Variants in CCDC172 observed in about 807,000 individuals in gnomAD.
The protein encoded by CCDC172 is coiled-coil domain containing 172.
Under a neutral mutation model 38.0 loss-of-function variants are expected in CCDC172, and 30 were observed. The ratio of observed to expected loss-of-function variants is 0.79; its 90% CI spans 0.59 to 1.07. The LOEUF (loss-of-function observed/expected upper bound fraction) is 1.07, where lower values mean the gene tolerates loss of function less well. CCDC172 is among the 50% of genes least tolerant of loss of function. CCDC172 has a pLI of 0.00. For synonymous variants in CCDC172, 78 were observed against 88.3 expected, an observed-to-expected ratio of 0.88 and a Z score of 0.66; for missense variants, 297 against 290.1, an observed-to-expected ratio of 1.02 and a Z score of -0.17.
intron 3 of CCDC172, among the ~76,000 whole-genome samples, chr10:116,337,523 A>G (rs1415472454): frequency 1.3e-5 from 2 of 152,050 alleles, no homozygotes; most frequent in Non-Finnish European, 2.9e-5. Context: ...AAAAAGAGAA[A>G]ATTTTATCAC....
At chr10:116,357,354 T>C in intron 5 of CCDC172, 26 bp from the exon 6 acceptor site, 3 of 1,421,614 alleles carry the variant, frequency 2.1e-6, no homozygotes, top group East Asian at 5.1e-5. Context: ...GTATTTTATT[T>C]TTGATGCTTT....
chr10:116,365,766 T>C (rs1048086184), intron 7 of CCDC172, among the ~76,000 whole-genome samples: 1 of 151,986 alleles, frequency 6.6e-6, no homozygotes, highest in African/African-American at 2.4e-5. Flanking sequence ...TATCTAAGAG[T>C]GGTCCCATAA....
At chr10:116,353,724 G>C (rs1052616977) in intron 5 of CCDC172, among the ~76,000 whole-genome samples, 1 of 151,520 alleles carries the variant, frequency 6.6e-6, no homozygotes, top group Non-Finnish European at 1.5e-5. Flanking sequence ...AGTTTAAAAA[G>C]AAAAAAAATA....
chr10:116,345,109 C>T (rs1013938935), intron 5 of CCDC172, among the ~76,000 whole-genome samples: 4 of 152,060 alleles, frequency 2.6e-5, no homozygotes, highest in Non-Finnish European at 4.4e-5. Context: ...AAAATTTACT[C>T]AAATTCTATA....
intron 7 of CCDC172, among the ~76,000 whole-genome samples, chr10:116,370,668 G>A (rs1308578390): frequency 6.7e-6 from 1 of 150,226 alleles, no homozygotes; most frequent in African/African-American, 2.4e-5. Context: ...TCTTTCTCAG[G>A]GCTTTCCTAA....
In CCDC172 at chr10:116,353,192, C is replaced by CAA. The variant is rs111993326; in HGVS notation, c.449-4179_449-4178dup. On this transcript the variant is annotated intron_variant, in intron 5 of 8. Coordinates refer to ENST00000333254, the MANE Select transcript of CCDC172 (RefSeq NM_198515.3). The stretch of plus-strand genomic sequence containing the variant: ...TGGGCGACAGAGCGAGACTCCATCT[C>CAA]AAAAAAAAAAGAATAAATGTGTACA... Among the ~76,000 whole-genome samples the CAA allele has an allele frequency of 2.7e-3, 398 of 146,002 alleles. 1 individual carries two copies. Among genetic ancestry groups the CAA allele is most frequent in the African/African-American group, 8.9e-3 (358 of 40,198 alleles).
chr10:116,358,754 A>G (rs1323799847), intron 7 of CCDC172, among the ~76,000 whole-genome samples: 1 of 152,232 alleles, frequency 6.6e-6, no homozygotes, highest in Non-Finnish European at 1.5e-5. Flanking sequence ...AGCATAAAAT[A>G]TCAATCTCTT....
intron 3 of CCDC172, among the ~76,000 whole-genome samples, chr10:116,339,214 A>T (rs368977535): frequency 2.6e-5 from 4 of 151,986 alleles, no homozygotes; most frequent in South Asian, 4.1e-4. Flanking sequence ...TGACATTTCC[A>T]TGCTCACATC....
chr10:116,342,782 T>C (rs977512624), intron 5 of CCDC172, among the ~76,000 whole-genome samples: 2 of 152,142 alleles, frequency 1.3e-5, no homozygotes, highest in Non-Finnish European at 2.9e-5. Context: ...TGAGTTATCA[T>C]GAGATTTGGT....
intron 5 of CCDC172, among the ~76,000 whole-genome samples, chr10:116,347,464 A>T (rs1038658513): frequency 6.6e-6 from 1 of 152,150 alleles, no homozygotes; most frequent in African/African-American, 2.4e-5. Flanking sequence ...GAAGAGCAGA[A>T]ATGGGATATC....
intron 6 of CCDC172, 118 bp downstream of exon 6, chr10:116,357,599 T>TA: frequency 1.1e-6 from 1 of 936,456 alleles, no homozygotes; most frequent in Non-Finnish European, 1.5e-6. Flanking sequence ...ATTATTGGTA[T>TA]AAAAAAGAAA....
chr10:116,329,810 A>T (rs1007051302), intron 3 of CCDC172, among the ~76,000 whole-genome samples: 1 of 152,178 alleles, frequency 6.6e-6, no homozygotes, highest in Non-Finnish European at 1.5e-5. Flanking sequence ...CTTCACTGCC[A>T]TGCACTCTCA....
intron 3 of CCDC172, among the ~76,000 whole-genome samples, chr10:116,326,370 T>G (rs1383980099): frequency 6.6e-6 from 1 of 152,178 alleles, no homozygotes; most frequent in African/African-American, 2.4e-5. Context: ...CAGAGAGTTA[T>G]TCAAAAATAT....
chr10:116,349,116 T>C (rs569692072), intron 5 of CCDC172, among the ~76,000 whole-genome samples: 2 of 152,294 alleles, frequency 1.3e-5, no homozygotes, highest in South Asian at 4.1e-4. Context: ...ATGCTCCTTA[T>C]GAGAATCTAA....
At chr10:116,358,142 T>C (rs985906664) in intron 7 of CCDC172, among the ~76,000 whole-genome samples, 14 of 152,096 alleles carry the variant, frequency 9.2e-5, no homozygotes, top group African/African-American at 3.4e-4. Flanking sequence ...ATGCGTTGGG[T>C]TGATGACTGA....
intron 3 of CCDC172, among the ~76,000 whole-genome samples, chr10:116,331,190 G>T (rs540136069): frequency 6.6e-6 from 1 of 152,180 alleles, no homozygotes; most frequent in Non-Finnish European, 1.5e-5. Flanking sequence ...TTAAATTAAT[G>T]TTTAAAAATT....
chr10:116,369,235 G>C (rs1845159358), intron 7 of CCDC172, among the ~76,000 whole-genome samples: 1 of 151,788 alleles, frequency 6.6e-6, no homozygotes, highest in South Asian at 2.1e-4. Context: ...TTTATTGATG[G>C]AATTTTATTT....
chr10:116,327,635 G>A (rs1009517862), intron 3 of CCDC172, among the ~76,000 whole-genome samples: 2 of 152,002 alleles, frequency 1.3e-5, no homozygotes, highest in African/African-American at 4.8e-5. Flanking sequence ...AGGTTCATAA[G>A]CATGCATTGC....
At chr10:116,325,183 C>T in intron 2 of CCDC172, 93 bp downstream of exon 2, 1 of 1,492,602 alleles carries the variant, frequency 6.7e-7, no homozygotes, top group Non-Finnish European at 9.3e-7. Flanking sequence ...TGGTCAGAGC[C>T]GTTAGGGGAG....
Sources: allele counts gnomAD v4.1 joint callset (sites outside exome capture counted in the v4.1 genomes callset), GRCh38; gene constraint gnomAD v4.1.1; transcripts MANE v1.5; gene names NCBI Gene and HGNC (gene_info 2026-07-23, HGNC 2026-07-21).